MYRIP: variants seen among roughly 807,000 people sequenced by gnomAD.
MYRIP encodes the protein myosin VIIA and Rab interacting protein, also known as rab effector MyRIP.
A neutral mutation model predicts 98.0 loss-of-function variants in MYRIP; 49 were observed. The ratio of observed to expected loss-of-function variants is 0.50; its 90% CI spans 0.40 to 0.63. The LOEUF is 0.63. Among genes scored for constraint, MYRIP ranks in the 30% least tolerant of loss-of-function variants. MYRIP has a pLI of 0.00. For missense variants in MYRIP, 1,004 were observed against 1,058.2 expected (o/e 0.95, Z 0.71); for synonymous variants, 404 against 409.5 (o/e 0.99, Z 0.16).
intron 1 of MYRIP, among the ~76,000 whole-genome samples, chr3:39,867,737 G>T (rs987429990): frequency 2.0e-5 from 3 of 152,128 alleles, no homozygotes; most frequent in African/African-American, 7.2e-5. Context: ...AAAACAGTTT[G>T]GCAGCTCCTT....
rs573379078 is a variant in MYRIP, at chr3:39,938,589, C to T, written c.110+37663C>T. 2.6e-5 allele frequency among the ~76,000 whole-genome samples: 4 copies of T among 152,292 alleles called. No homozygotes were observed. In the East Asian group the frequency reaches 7.7e-4, roughly 29 times the overall value. On this transcript the variant is annotated intron_variant, in intron 2 of 16. Coordinates refer to ENST00000302541, the MANE Select transcript of MYRIP (RefSeq NM_015460.4). ...TACCAGTTTACACTCCCACCAGTAA[C>T]ATATGAGGGTTCTGATTATTCCATA...
chr3:40,110,075 G>A (rs1033049496), intron 3 of MYRIP, among the ~76,000 whole-genome samples: 5 of 152,198 alleles, frequency 3.3e-5, no homozygotes, highest in Admixed American at 1.3e-4. Flanking sequence ...CTTACAGCCT[G>A]TTACCTCATT....
chr3:40,212,162 A>ATACATATATATACGTGTATGTG lies in MYRIP; in HGVS notation c.1905+2071_1905+2072insCATATATATACGTGTATGTGTA, dbSNP rs1559456635. On this transcript the variant is annotated intron_variant, in intron 11 of 16. Coordinates refer to ENST00000302541, the MANE Select transcript of MYRIP (RefSeq NM_015460.4). ...TATATACATATATATACGTGTATAT[A>ATACATATATATACGTGTATGTG]TATATACATATATATACGTGTATGT... is the stretch of plus-strand genomic sequence containing the variant. 2.8e-3 allele frequency among the ~76,000 whole-genome samples: 27 copies of ATACATATATATACGTGTATGTG among 9,740 alleles called. 1 individual carries two copies. The highest frequency in any genetic ancestry group is 4.7e-3 in the African/African-American group (26 of 5,488). The allele number at this position is 9,740 out of a possible 152,430, so 6.4% of individuals were successfully genotyped here.
chr3:40,133,667 G>T (rs1180253244), intron 3 of MYRIP, among the ~76,000 whole-genome samples: 2 of 152,174 alleles, frequency 1.3e-5, no homozygotes, highest in Non-Finnish European at 2.9e-5. Flanking sequence ...AACCCAAGAG[G>T]TGGAGATTGC....
At chr3:39,897,131 G>A (rs1943629533) in intron 1 of MYRIP, among the ~76,000 whole-genome samples, 1 of 152,206 alleles carries the variant, frequency 6.6e-6, no homozygotes, top group Non-Finnish European at 1.5e-5. Flanking sequence ...CTTTGACTTA[G>A]TGTAGAGTTT....
chr3:40,057,052 C>T (rs897796244), intron 3 of MYRIP, among the ~76,000 whole-genome samples: 5 of 152,056 alleles, frequency 3.3e-5, no homozygotes, highest in South Asian at 2.1e-4. Context: ...ACAGTGTTGC[C>T]GGCTTCTCTA....
chr3:40,111,795 A>G (rs1019957845), intron 3 of MYRIP, among the ~76,000 whole-genome samples: 7 of 152,154 alleles, frequency 4.6e-5, no homozygotes, highest in African/African-American at 1.7e-4. Context: ...ACACTAAGTA[A>G]TTGAGTAATT....
chr3:39,873,262 T>C (rs200937412), intron 1 of MYRIP, among the ~76,000 whole-genome samples: 6,087 of 152,136 alleles, frequency 0.04, 297 homozygotes, highest in East Asian at 0.13. Flanking sequence ...GAGTAGGTTG[T>C]GAAAATTTTC....
At chr3:39,839,332 A>G (rs917721263) in intron 1 of MYRIP, among the ~76,000 whole-genome samples, 1 of 150,916 alleles carries the variant, frequency 6.6e-6, no homozygotes, top group African/African-American at 2.4e-5. Context: ...ATCTTGGCTC[A>G]CTGCAACCTC....
chr3:40,134,547 G>C (rs568150916), intron 3 of MYRIP, among the ~76,000 whole-genome samples: 1 of 152,364 alleles, frequency 6.6e-6, no homozygotes, highest in East Asian at 1.9e-4. Flanking sequence ...GGTTCTCCCA[G>C]CATGCAGCTT....
intron 2 of MYRIP, among the ~76,000 whole-genome samples, chr3:39,923,886 TACTTC>T (rs1484963173): frequency 6.6e-6 from 1 of 151,908 alleles, no homozygotes; most frequent in Non-Finnish European, 1.5e-5. Context: ...AAGTTTACTA[TACTTC>T]ACTTGAACTG....
At chr3:39,904,655 A>T (rs1356044364) in intron 2 of MYRIP, among the ~76,000 whole-genome samples, 2 of 152,132 alleles carry the variant, frequency 1.3e-5, no homozygotes, top group African/African-American at 4.8e-5. Context: ...ACACTGGGGA[A>T]AGCTTACAGC....
intron 9 of MYRIP, among the ~76,000 whole-genome samples, chr3:40,183,838 T>G (rs1950955887): frequency 6.6e-6 from 1 of 152,220 alleles, no homozygotes; most frequent in Non-Finnish European, 1.5e-5. Flanking sequence ...CTTTTAAAGA[T>G]TGTGCTATTA....
intron 3 of MYRIP, among the ~76,000 whole-genome samples, chr3:40,104,751 C>T (rs1949023157): frequency 6.6e-6 from 1 of 152,104 alleles, no homozygotes; most frequent in Non-Finnish European, 1.5e-5. Context: ...TAATCCAAGA[C>T]ACAAAGAGAC....
intron 11 of MYRIP, among the ~76,000 whole-genome samples, chr3:40,227,401 T>C (rs149381629): frequency 0.012 from 1,756 of 152,284 alleles, 39 homozygotes; most frequent in African/African-American, 0.039. Context: ...TCTCTCTCTC[T>C]CTCTCCCTCT....
At chr3:40,156,009 T>C (rs939080450) in intron 4 of MYRIP, among the ~76,000 whole-genome samples, 11 of 152,296 alleles carry the variant, frequency 7.2e-5, no homozygotes, top group Middle Eastern at 6.8e-3. Context: ...ATATCCCATT[T>C]GTCAATTTTG....
intron 3 of MYRIP, among the ~76,000 whole-genome samples, chr3:40,138,392 A>G (rs889008608): frequency 2.0e-5 from 3 of 152,174 alleles, no homozygotes; most frequent in Non-Finnish European, 4.4e-5. Context: ...CTGTAGCTCT[A>G]AGGACTTTAA....
intron 2 of MYRIP, among the ~76,000 whole-genome samples, chr3:39,932,620 C>T (rs1944567198): frequency 6.6e-6 from 1 of 152,098 alleles, no homozygotes; most frequent in African/African-American, 2.4e-5. Flanking sequence ...CTCCTGACAT[C>T]GTGATCTACC....
intron 1 of MYRIP, among the ~76,000 whole-genome samples, chr3:39,871,884 A>G (rs1286681634): frequency 6.6e-6 from 1 of 152,066 alleles, no homozygotes; most frequent in Non-Finnish European, 1.5e-5. Flanking sequence ...CTGAGTACCA[A>G]GCATTATATG....
Sources: allele counts gnomAD v4.1 joint callset (sites outside exome capture counted in the v4.1 genomes callset), GRCh38; gene constraint gnomAD v4.1.1; transcripts MANE v1.5; gene names NCBI Gene and HGNC (gene_info 2026-07-23, HGNC 2026-07-21).